Variants in CLCN6 observed in about 807,000 individuals in gnomAD.
CLCN6 encodes the protein H(+)/Cl(-) exchange transporter 6.
Under a neutral mutation model 109.8 loss-of-function variants are expected in CLCN6, and 70 were observed. That is an observed-to-expected ratio of 0.64 (90% CI 0.53 to 0.78). The LOEUF (loss-of-function observed/expected upper bound fraction) is 0.78, where lower values mean the gene tolerates loss of function less well. Ranked by LOEUF, CLCN6 falls within the 30% of genes least tolerant of loss-of-function variation. The pLI is 0.00. For missense variants in CLCN6, 984 were observed against 1,142.3 expected (o/e 0.86, Z 2.00); for synonymous variants, 444 against 447.8 (o/e 0.99, Z 0.11).
rs1464406671 is a variant in CLCN6 at position 11,838,316 on chromosome 1, G to C, written c.2296-19G>C. Reference sequence around the variant, plus strand: ...CCACTGCTGCCTGAGCACGGACAGTGTCTGGGTTGGAATTGCAGAGCGCCA... The same window carrying C: ...CCACTGCTGCCTGAGCACGGACAGTCTCTGGGTTGGAATTGCAGAGCGCCA... On this transcript the variant is annotated intron_variant, in intron 20 of 22. Coordinates refer to ENST00000346436, the MANE Select transcript of CLCN6 (RefSeq NM_001286.5). The C allele has an allele frequency of 6.2e-7, 1 of 1,611,412 alleles. No homozygotes were observed. The highest frequency in any genetic ancestry group is 2.2e-5 in the East Asian group (1 of 44,870).
intron 2 of CLCN6, among the ~76,000 whole-genome samples, chr1:11,812,784 T>G (rs1644618877): frequency 6.6e-6 from 1 of 151,806 alleles, no homozygotes; most frequent in Non-Finnish European, 1.5e-5. Context: ...CCTCACACTT[T>G]GTCTCTCCCA....
chr1:11,806,383 G>A (rs1274144191), intron 1 of CLCN6, 34 bp downstream of exon 1: 1 of 1,479,932 alleles, frequency 6.8e-7, no homozygotes, highest in African/African-American at 1.5e-5. Context: ...TGGGGAGGGG[G>A]CGGTTGCTAA....
chr1:11,823,637 C>G (rs1644774049), intron 6 of CLCN6, 70 bp from the exon 7 acceptor site: 1 of 1,607,342 alleles, frequency 6.2e-7, no homozygotes, highest in Middle Eastern at 1.7e-4. Flanking sequence ...TTCCGCCGCC[C>G]AGATTGTTGA....
chr1:11,824,857 G>C (rs1644792043), intron 8 of CLCN6, among the ~76,000 whole-genome samples: 1 of 152,200 alleles, frequency 6.6e-6, no homozygotes, highest in Non-Finnish European at 1.5e-5. Flanking sequence ...TGGCTGGGTG[G>C]ATCATCTCAG....
At chr1:11,815,786 G>A in intron 2 of CLCN6, 60 bp from the exon 3 acceptor site, 2 of 1,318,982 alleles carry the variant, frequency 1.5e-6, no homozygotes, top group Admixed American at 3.4e-5. Flanking sequence ...CCAGAGGTTT[G>A]TCCCTTTGCA....
rs749332456 is a variant in CLCN6, at chr1:11,836,092, G to A, written c.1919G>A (p.Arg640His). Reference sequence around the variant, plus strand: ...GCCTTCCCGGTGGTCACAGAGAACCGCGGTAACGAGAAGGAGTTCATGAAG... The same window carrying A: ...GCCTTCCCGGTGGTCACAGAGAACCACGGTAACGAGAAGGAGTTCATGAAG... ...HHAFPVVTEN[R>H]GNEKEFMKGN... The change falls in exon 18 of 23, where the codon CGC (arginine) becomes CAC (histidine). Residue 640 changes from arginine to histidine, a missense_variant. Transcript: ENST00000346436. The A allele has an allele frequency of 3.1e-6, 5 of 1,613,846 alleles. No homozygotes were observed. Among genetic ancestry groups the A allele is most frequent in the East Asian group, 2.2e-5 (1 of 44,868 alleles).
intron 8 of CLCN6, among the ~76,000 whole-genome samples, chr1:11,824,906 T>C (rs1357669375): frequency 2.0e-5 from 3 of 152,116 alleles, no homozygotes; most frequent in African/African-American, 4.8e-5. Flanking sequence ...TCGACTGACA[T>C]GGTTTTAGGC....
In CLCN6 at chr1:11,837,064, A is replaced by G. The variant is rs779267091; in HGVS notation, c.2046A>G (p.Pro682=). The G allele has an allele frequency of 1.6e-5, 26 of 1,613,396 alleles. No individual in the cohort carries two copies. Among genetic ancestry groups the G allele is most frequent in the Non-Finnish European group, 2.0e-5 (24 of 1,180,032 alleles). The change falls in exon 19 of 23, where the codon CCA becomes CCG. Residue 682 remains proline (P), a synonymous_variant. Transcript: ENST00000346436. ...GGAGCCAGTCCATGAAGTCCTACCC[A>G]TCCAGCGAGCTACGGAACATGTGTG... ...RKRSQSMKSY[P]SSELRNMCDE...
At chr1:11,826,936 C>T (rs548225848) in intron 9 of CLCN6, among the ~76,000 whole-genome samples, 153 bp from the exon 10 acceptor site, 21 of 150,970 alleles carry the variant, frequency 1.4e-4, no homozygotes, top group Middle Eastern at 3.4e-3. Context: ...GACACACTCG[C>T]GGCAAAGGCT....
intron 13 of CLCN6, among the ~76,000 whole-genome samples, chr1:11,831,844 C>T (rs1009979135): frequency 2.0e-5 from 3 of 152,054 alleles, no homozygotes; most frequent in Non-Finnish European, 4.4e-5. Context: ...CCACCACATC[C>T]AGCTTATTTT....
chr1:11,813,392 A>AT (rs796308001), intron 2 of CLCN6, among the ~76,000 whole-genome samples: 6,150 of 142,794 alleles, frequency 0.043, 161 homozygotes, highest in Middle Eastern at 0.088. Flanking sequence ...AGTAAAAAAG[A>AT]TTTTTTTTTT....
intron 2 of CLCN6, 94 bp from the exon 3 acceptor site, chr1:11,815,752 A>G: frequency 5.5e-6 from 5 of 913,184 alleles, no homozygotes; most frequent in South Asian, 1.5e-5. Context: ...TGCTCTGCCC[A>G]TCCACACGTT....
intron 13 of CLCN6, among the ~76,000 whole-genome samples, chr1:11,830,928 A>C (rs545891939): frequency 6.6e-6 from 1 of 151,646 alleles, no homozygotes; most frequent in African/African-American, 2.4e-5. Flanking sequence ...CCGCCTCCCA[A>C]GTTCAAGTGA....
intron 14 of CLCN6, 83 bp from the exon 15 acceptor site, chr1:11,833,794 A>G: frequency 5.8e-6 from 9 of 1,562,770 alleles, no homozygotes; most frequent in Non-Finnish European, 7.8e-6. Flanking sequence ...GGGAACTGGT[A>G]TGGGGTGTGG....
chr1:11,834,090 A>G lies in CLCN6; in HGVS notation c.1526+60A>G, dbSNP rs368429811. The G allele has an allele frequency of 5.6e-6, 9 of 1,599,852 alleles. No individual in the cohort carries two copies. Among genetic ancestry groups the G allele is most frequent in the Middle Eastern group, 3.6e-4 (2 of 5,494 alleles). On this transcript the variant is annotated intron_variant, in intron 15 of 22. Coordinates refer to ENST00000346436, the MANE Select transcript of CLCN6 (RefSeq NM_001286.5). The surrounding 1 kb of genome is among the most constrained non-coding windows in gnomAD (Gnocchi z 4.5). ...CATGTGTGTGCACGTGTGCGTGTGT[A>G]TGCATGTGTGTGCGTGTGCGTGCGT...
intron 13 of CLCN6, among the ~76,000 whole-genome samples, chr1:11,830,934 A>G (rs1455617796): frequency 1.3e-5 from 2 of 151,808 alleles, no homozygotes; most frequent in Non-Finnish European, 2.9e-5. Context: ...CCCAAGTTCA[A>G]GTGATTCTCC....
Position 11,840,297 on chromosome 1 carries a change from G to C in CLCN6, c.*74G>C. 7.8e-7 allele frequency: 1 copy of C among 1,274,348 alleles called. No individual in the cohort carries two copies. Among genetic ancestry groups the C allele is most frequent in the South Asian group, 1.2e-5 (1 of 84,564 alleles). The allele number at this position is 1,274,348 out of a possible 1,614,324, so 78.9% of individuals were successfully genotyped here. A position where few individuals can be genotyped will look rare whatever the true frequency, so the allele number is the denominator to read the frequency against. On this transcript the variant is annotated 3_prime_UTR_variant, in exon 23 of 23. Coordinates refer to ENST00000346436, the MANE Select transcript of CLCN6 (RefSeq NM_001286.5). Reference sequence around the variant, plus strand: ...TCACTCCGGCGGGCACAGCTGGCTGGGGCTGTTCCGGGGCATGGAAGATTC... The same window carrying C: ...TCACTCCGGCGGGCACAGCTGGCTGCGGCTGTTCCGGGGCATGGAAGATTC...
intron 1 of CLCN6, chr1:11,806,855 A>AC (rs1172391918): frequency 9.2e-6 from 4 of 436,220 alleles, no homozygotes; most frequent in Non-Finnish European, 1.6e-5. Context: ...CTGCATTTTT[A>AC]CCCCCCTTTT....
chr1:11,830,809 CACACAA>C (rs1557429891), intron 13 of CLCN6, among the ~76,000 whole-genome samples: 1 of 132,576 alleles, frequency 7.5e-6, no homozygotes, highest in Non-Finnish European at 1.6e-5. Flanking sequence ...CACACACACA[CACACAA>C]ACACACATTA....
Sources: allele counts gnomAD v4.1 joint callset (sites outside exome capture counted in the v4.1 genomes callset), GRCh38; gene constraint gnomAD v4.1.1; non-coding constraint Gnocchi (gnomAD v3.1); transcripts MANE v1.5; gene names NCBI Gene and HGNC (gene_info 2026-07-23, HGNC 2026-07-21).